SLC51A: variants seen among roughly 807,000 people sequenced by gnomAD.
SLC51A encodes organic solute transporter subunit alpha.
A neutral mutation model predicts 34.8 loss-of-function variants in SLC51A; 22 were observed. The observed-to-expected ratio is 0.63, with a 90% CI of 0.45 to 0.90. The LOEUF (loss-of-function observed/expected upper bound fraction) is 0.90. Ranked by LOEUF, SLC51A falls within the 40% of genes least tolerant of loss-of-function variation. SLC51A has a pLI of 0.00. For missense variants in SLC51A, 371 were observed against 414.8 expected (o/e 0.89, Z 0.92); for synonymous variants, 181 against 176.3 (o/e 1.03, Z -0.21).
chr3:196,226,797 A>G (rs559074935), intron 2 of SLC51A, among the ~76,000 whole-genome samples, 168 bp from the exon 3 acceptor site: 4 of 143,226 alleles, frequency 2.8e-5, no homozygotes, highest in South Asian at 4.3e-4. Context: ...AAAGAAAAAG[A>G]AAAAAAAAAG....
chr3:196,222,427 G>T (rs941620735), intron 2 of SLC51A, among the ~76,000 whole-genome samples: 1 of 138,284 alleles, frequency 7.2e-6, no homozygotes, highest in Admixed American at 7.4e-5. Context: ...TTGAGGTCAG[G>T]AGTTTGAGAC....
chr3:196,219,922 C>T (rs1049041641), intron 2 of SLC51A, among the ~76,000 whole-genome samples: 9 of 152,256 alleles, frequency 5.9e-5, no homozygotes, highest in Admixed American at 3.9e-4. Context: ...AATGTGCAAA[C>T]GGAAACCCCA....
At chr3:196,230,805 CCAGT>C (rs1716727658) in intron 7 of SLC51A, among the ~76,000 whole-genome samples, 1 of 152,204 alleles carries the variant, frequency 6.6e-6, no homozygotes. Flanking sequence ...TTTTAGGACA[CCAGT>C]CAAATTGGAT....
At chr3:196,219,544 A>T (rs1723689176) in intron 2 of SLC51A, among the ~76,000 whole-genome samples, 1 of 152,136 alleles carries the variant, frequency 6.6e-6, no homozygotes, top group Non-Finnish European at 1.5e-5. Flanking sequence ...TCTGAACCAG[A>T]GCGGTTGCCA....
intron 3 of SLC51A, 80 bp downstream of exon 3, chr3:196,227,199 C>CGTCACTTCT (rs767165240): frequency 3.5e-5 from 48 of 1,380,450 alleles, no homozygotes; most frequent in Non-Finnish European, 4.3e-5. Context: ...AAACTCAGCA[C>CGTCACTTCT]GTCACTTCGG....
At chr3:196,232,582 A>C in intron 8 of SLC51A, 58 bp downstream of exon 8, 6 of 1,416,310 alleles carry the variant, frequency 4.2e-6, no homozygotes, top group Non-Finnish European at 6.0e-6. Flanking sequence ...GAGAGTCAGG[A>C]AAGAAGGGGC....
In SLC51A at chr3:196,216,983, G is replaced by T. The variant is rs748858374; in HGVS notation, c.38+233G>T. Reference sequence around the variant, plus strand: ...CGTGGGGAGAGAAAGGTCGCAGAGCGGGGGCTGTGGAAGGCATTCGCAGAG... The same window carrying T: ...CGTGGGGAGAGAAAGGTCGCAGAGCTGGGGCTGTGGAAGGCATTCGCAGAG... On this transcript the variant is annotated intron_variant, in intron 1 of 8. Transcript: ENST00000296327. This position sits in a 1 kb window ranked among gnomAD's most constrained non-coding sequence, Gnocchi z 4.5. 1.3e-5 allele frequency among the ~76,000 whole-genome samples: 2 copies of T among 152,220 alleles called. No homozygotes were observed. Among genetic ancestry groups the T allele is most frequent in the Non-Finnish European group, 2.9e-5 (2 of 68,026 alleles).
At chr3:196,227,374 C>G (rs1723923972) in intron 3 of SLC51A, 1 of 592,264 alleles carries the variant, frequency 1.7e-6, no homozygotes, top group Non-Finnish European at 3.0e-6. Flanking sequence ...CCTTGCTCCC[C>G]GCTACAGTGT....
Position 196,228,094 on chromosome 3 carries a change from C to T in SLC51A, c.363-21C>T. ...CTCTCTGGCAGCAGACCTCGTAGGC[C>T]CTCTTCTCTCCCCACCCCAGGTTTT... On this transcript the variant is annotated intron_variant, in intron 4 of 8. Transcript: ENST00000296327. This position sits in a 1 kb window ranked among gnomAD's most constrained non-coding sequence, Gnocchi z 4.9. The T allele has an allele frequency of 1.9e-6, 3 of 1,607,070 alleles. No individual in the cohort carries two copies. Among genetic ancestry groups the T allele is most frequent in the Non-Finnish European group, 2.6e-6 (3 of 1,175,900 alleles).
In SLC51A at chr3:196,228,831, T is replaced by A. The variant is rs1176167564; in HGVS notation, c.544T>A (p.Leu182Met). ...CAGGAAGAAGCTTCAGCTGCTGATG[T>A]TGGGCCCTTTCCAATACGCCTTCTT... is the stretch of plus-strand genomic sequence containing the variant. ...LTRKKLQLLM[L>M]GPFQYAFLKI... The change falls in exon 6 of 9, where the codon TTG becomes ATG. Residue 182 changes from leucine (L) to methionine (M), a missense_variant. Coordinates refer to ENST00000296327, the MANE Select transcript of SLC51A (RefSeq NM_152672.6). This position sits in a 1 kb window ranked among gnomAD's most constrained non-coding sequence, Gnocchi z 4.9. The A allele has an allele frequency of 6.2e-7, 1 of 1,614,116 alleles. No individual in the cohort carries two copies. Among genetic ancestry groups the A allele is most frequent in the Admixed American group, 1.7e-5 (1 of 60,020 alleles).
chr3:196,233,111 T>C lies in SLC51A; in HGVS notation c.935T>C (p.Leu312Pro), dbSNP rs1281602881. Residue 312 changes from leucine to proline, a missense_variant, in exon 9 of 9, where the codon CTG becomes CCG. Leu to Pro is a moderately conservative substitution (Grantham distance 98, BLOSUM62 -3). Coordinates refer to ENST00000296327, the MANE Select transcript of SLC51A (RefSeq NM_152672.6). ...CTGGAGACTTTTCTAATGACTGTGC[T>C]GACACGAATGTACTACCGAAGGAAA... is the stretch of plus-strand genomic sequence containing the variant. Reference protein sequence around the residue: ...LILETFLMTVLTRMYYRRKDH... With the variant: ...LILETFLMTVPTRMYYRRKDH... 3 of 1,614,114 alleles carry C rather than the reference T, an allele frequency of 1.9e-6. No individual in the cohort carries two copies. The South Asian group carries it at 3.3e-5, about 18-fold the overall frequency.
chr3:196,229,037 G>C, intron 6 of SLC51A, 117 bp downstream of exon 6: 1 of 833,280 alleles, frequency 1.2e-6, no homozygotes, highest in Non-Finnish European at 2.0e-6. Flanking sequence ...GGTGGCTGTG[G>C]GAAAACAGAG....
In SLC51A at chr3:196,218,552, T is replaced by A. The variant is rs1231127126; in HGVS notation, c.133+616T>A. On this transcript the variant is annotated intron_variant, in intron 2 of 8. Coordinates refer to ENST00000296327, the MANE Select transcript of SLC51A (RefSeq NM_152672.6). ...TTCTACAGTGTTTATTGTAGTGGAG[T>A]AATTTGTTTGCAATAATAAGTCATA... is the stretch of plus-strand genomic sequence containing the variant. Among the ~76,000 whole-genome samples, 6 of 152,088 alleles carry A rather than the reference T, an allele frequency of 3.9e-5. No individual in the cohort carries two copies. In the East Asian group the frequency reaches 9.6e-4, roughly 24 times the overall value.
intron 2 of SLC51A, among the ~76,000 whole-genome samples, chr3:196,226,225 G>A (rs1006210826): frequency 6.6e-6 from 1 of 152,136 alleles, no homozygotes; most frequent in African/African-American, 2.4e-5. Flanking sequence ...GGGAGGCTGA[G>A]GTTGGAGGAT....
At chr3:196,221,321 T>G (rs1232847525) in intron 2 of SLC51A, among the ~76,000 whole-genome samples, 5 of 151,864 alleles carry the variant, frequency 3.3e-5, no homozygotes, top group Non-Finnish European at 7.4e-5. Context: ...ATTTTTTTTT[T>G]TTAATTTTAA....
In SLC51A at chr3:196,227,755, C is replaced by A; in HGVS notation, c.362+18C>A. 6.2e-7 allele frequency: 1 copy of A among 1,605,280 alleles called. No individual in the cohort carries two copies. The highest frequency in any genetic ancestry group is 1.1e-5 in the South Asian group (1 of 89,776). ...ATCACCTCGTGAGTGCCCTGCCTCG[C>A]CCCACCTCCAAGGGCCCCTCTGCTC... On this transcript the variant is annotated intron_variant, in intron 4 of 8. Coordinates refer to ENST00000296327, the MANE Select transcript of SLC51A (RefSeq NM_152672.6).
chr3:196,227,892 G>A (rs1723936904), intron 4 of SLC51A, 155 bp downstream of exon 4: 11 of 913,596 alleles, frequency 1.2e-5, no homozygotes, highest in Middle Eastern at 6.4e-4. Flanking sequence ...CTCAGGGAAT[G>A]CCTCATTTTG....
chr3:196,230,430 C>T (rs558311391), intron 7 of SLC51A, among the ~76,000 whole-genome samples: 13 of 152,276 alleles, frequency 8.5e-5, no homozygotes, highest in African/African-American at 2.6e-4. Flanking sequence ...CTGGACCATC[C>T]TTGACCAGCA....
chr3:196,227,780 C>T (rs1723933952), intron 4 of SLC51A, 43 bp downstream of exon 4: 6 of 1,561,378 alleles, frequency 3.8e-6, no homozygotes, highest in Non-Finnish European at 4.4e-6. Context: ...CCCCTCTGCT[C>T]CCGCTCACCA....
Sources: gnomAD v4.1 joint callset for allele counts (sites outside exome capture counted in the v4.1 genomes callset) on GRCh38, gnomAD v4.1.1 for gene constraint, Gnocchi (gnomAD v3.1) non-coding constraint, MANE v1.5 for transcripts, NCBI Gene and HGNC (gene_info 2026-07-23, HGNC 2026-07-21) for gene names.